PLCB1: variants seen among roughly 807,000 people sequenced by gnomAD.
The protein encoded by PLCB1 is 1-phosphatidylinositol 4,5-bisphosphate phosphodiesterase beta-1.
A neutral mutation model predicts 161.8 loss-of-function variants in PLCB1; 46 were observed. The ratio of observed to expected loss-of-function variants is 0.28; its 90% CI spans 0.22 to 0.36. The LOEUF is 0.36. Among genes scored for constraint, PLCB1 ranks in the 10% least tolerant of loss-of-function variants. The probability of loss-of-function intolerance (pLI) is 1.00; values close to 1 mark genes in which losing one functional copy is unlikely to be tolerated. For missense variants in PLCB1, 1,016 were observed against 1,472.5 expected, an observed-to-expected ratio of 0.69 and a Z score of 5.07; for synonymous variants, 517 against 503.7, an observed-to-expected ratio of 1.03 and a Z score of -0.35.
intron 3 of PLCB1, among the ~76,000 whole-genome samples, chr20:8,386,231 T>C (rs1294596708): frequency 6.6e-6 from 1 of 152,186 alleles, no homozygotes; most frequent in Non-Finnish European, 1.5e-5. Context: ...CCCACATCCA[T>C]CTGAAAAATC....
chr20:8,340,753 C>T (rs1985778611), intron 2 of PLCB1, among the ~76,000 whole-genome samples: 1 of 152,164 alleles, frequency 6.6e-6, no homozygotes, highest in South Asian at 2.1e-4. Flanking sequence ...TAGAGTACCT[C>T]CCCTTTAAAA....
intron 2 of PLCB1, among the ~76,000 whole-genome samples, chr20:8,296,375 G>A (rs1983630692): frequency 6.6e-6 from 1 of 152,154 alleles, no homozygotes. Flanking sequence ...CTTCCGTGCT[G>A]TGCTCTGAAC....
At chr20:8,377,110 A>C (rs1987113164) in intron 3 of PLCB1, among the ~76,000 whole-genome samples, 2 of 152,112 alleles carry the variant, frequency 1.3e-5, no homozygotes, top group Non-Finnish European at 2.9e-5. Context: ...CCAGCACCTC[A>C]TGGGGTAGGG....
At chr20:8,789,270 T>A (rs570454441) in intron 29 of PLCB1, among the ~76,000 whole-genome samples, 1 of 152,196 alleles carries the variant, frequency 6.6e-6, no homozygotes, top group Non-Finnish European at 1.5e-5. Flanking sequence ...TTCCAGCTAC[T>A]CAGAAGGCTG....
chr20:8,662,178 T>A (rs867067183), intron 9 of PLCB1, among the ~76,000 whole-genome samples: 8 of 84,294 alleles, frequency 9.5e-5, no homozygotes, highest in Non-Finnish European at 1.6e-4. Context: ...TTCTATATTA[T>A]ATATAATTAT....
At chr20:8,811,430 G>C (rs1036139813) in intron 31 of PLCB1, among the ~76,000 whole-genome samples, 4 of 152,136 alleles carry the variant, frequency 2.6e-5, no homozygotes, top group East Asian at 1.9e-4. Context: ...TAAATCAAAT[G>C]AAAGAGTTGC....
chr20:8,181,631 A>G (rs6055603), intron 2 of PLCB1, among the ~76,000 whole-genome samples: 47,612 of 151,900 alleles, frequency 0.31, 9,654 homozygotes, highest in African/African-American at 0.58. Flanking sequence ...AGTGGTGACT[A>G]GAATGAACAG....
intron 2 of PLCB1, among the ~76,000 whole-genome samples, chr20:8,252,500 T>A (rs1456518835): frequency 6.6e-6 from 1 of 152,018 alleles, no homozygotes; most frequent in Non-Finnish European, 1.5e-5. Flanking sequence ...TATAAATTGG[T>A]AATGCCTAAT....
intron 2 of PLCB1, among the ~76,000 whole-genome samples, chr20:8,250,714 A>C (rs1325961191): frequency 6.6e-6 from 1 of 151,968 alleles, no homozygotes; most frequent in Non-Finnish European, 1.5e-5. Context: ...CCCCAACAAT[A>C]TAACAGAGAC....
chr20:8,197,370 G>T (rs1300364465), intron 2 of PLCB1, among the ~76,000 whole-genome samples: 1 of 152,102 alleles, frequency 6.6e-6, no homozygotes, highest in Admixed American at 6.5e-5. Flanking sequence ...GGTGTGAGAT[G>T]GTATCTCATT....
At chr20:8,872,060 G>A (rs540650445) in intron 31 of PLCB1, among the ~76,000 whole-genome samples, 2 of 152,238 alleles carry the variant, frequency 1.3e-5, no homozygotes, top group East Asian at 1.9e-4. Context: ...CTATCCCAAA[G>A]TGAATTGTCT....
intron 2 of PLCB1, among the ~76,000 whole-genome samples, chr20:8,202,494 A>G (rs896180189): frequency 6.6e-6 from 1 of 152,182 alleles, no homozygotes; most frequent in Non-Finnish European, 1.5e-5. Context: ...GGCACTTTCT[A>G]CTTAGTCTGT....
At chr20:8,315,308 C>T (rs1211867056) in intron 2 of PLCB1, among the ~76,000 whole-genome samples, 1 of 152,184 alleles carries the variant, frequency 6.6e-6, no homozygotes, top group Non-Finnish European at 1.5e-5. Context: ...ACAAAGGGCA[C>T]CTGCCCTGAC....
intron 3 of PLCB1, among the ~76,000 whole-genome samples, chr20:8,438,772 G>A (rs573744687): frequency 6.6e-6 from 1 of 152,190 alleles, no homozygotes; most frequent in South Asian, 2.1e-4. Context: ...TGACCCAAGG[G>A]GCCACAAAAT....
intron 2 of PLCB1, among the ~76,000 whole-genome samples, chr20:8,309,607 A>G (rs2123334765): frequency 6.6e-6 from 1 of 152,318 alleles, no homozygotes; most frequent in Non-Finnish European, 1.5e-5. Flanking sequence ...TGAAGTGTCA[A>G]GTTTAAGTCT....
At chr20:8,188,949 A>G (rs1284784642) in intron 2 of PLCB1, among the ~76,000 whole-genome samples, 1 of 152,120 alleles carries the variant, frequency 6.6e-6, no homozygotes, top group African/African-American at 2.4e-5. Context: ...TCAGAGGAAA[A>G]TATTGCTATA....
chr20:8,784,712 T>G (rs1413580173), intron 27 of PLCB1, among the ~76,000 whole-genome samples: 1 of 152,210 alleles, frequency 6.6e-6, no homozygotes, highest in Non-Finnish European at 1.5e-5. Flanking sequence ...CTTGGGATTC[T>G]AGGGAAACAC....
At chr20:8,705,871 A>T (rs967136230) in intron 11 of PLCB1, among the ~76,000 whole-genome samples, 1 of 152,212 alleles carries the variant, frequency 6.6e-6, no homozygotes, top group African/African-American at 2.4e-5. Context: ...ATTTCATTCC[A>T]TGTGAAATGG....
intron 7 of PLCB1, chr20:8,652,939 C>T (rs760172192): frequency 1.3e-5 from 2 of 152,096 alleles, no homozygotes; most frequent in Non-Finnish European, 2.9e-5. Flanking sequence ...ACAACCCAAG[C>T]ATATTTTCCA....
Sources: allele counts gnomAD v4.1 joint callset (sites outside exome capture counted in the v4.1 genomes callset), GRCh38; gene constraint gnomAD v4.1.1; transcripts MANE v1.5; gene names NCBI Gene and HGNC (gene_info 2026-07-23, HGNC 2026-07-21).